Variants in PMAIP1 observed in about 807,000 individuals in gnomAD.
The protein encoded by PMAIP1 is PMA-induced protein 1.
PMAIP1 carries 3 observed loss-of-function variants against 3.7 expected under a neutral mutation model. The ratio of observed to expected loss-of-function variants is 0.82; its 90% CI spans 0.37 to 2.12. PMAIP1 has a LOEUF of 2.12. Ranked by LOEUF, PMAIP1 falls within the 30% of genes most tolerant of loss-of-function variation. The pLI, the probability that PMAIP1 is intolerant of heterozygous loss-of-function variation, is 0.06. For synonymous variants in PMAIP1, 29 were observed against 26.2 expected (o/e 1.11, Z -0.32); for missense variants, 77 against 67.1 (o/e 1.15, Z -0.52).
intron 1 of PMAIP1, chr18:59,900,502 G>A (rs956385890): frequency 1.3e-6 from 2 of 1,550,360 alleles, no homozygotes; most frequent in African/African-American, 1.4e-5. Flanking sequence ...TTTCACCAGG[G>A]GCAAAAAGCT....
chr18:59,902,009 T>C (rs1241974256), intron 1 of PMAIP1, among the ~76,000 whole-genome samples: 1 of 152,226 alleles, frequency 6.6e-6, no homozygotes, highest in Non-Finnish European at 1.5e-5. Flanking sequence ...AAAATAGAAA[T>C]GTTTAAATTA....
chr18:59,901,030 C>T (rs934376247), intron 1 of PMAIP1, among the ~76,000 whole-genome samples: 1 of 152,110 alleles, frequency 6.6e-6, no homozygotes, highest in Non-Finnish European at 1.5e-5. Flanking sequence ...GCAAATGTGA[C>T]CATGCCTAAG....
At position 59,904,193 on chromosome 18, in the gene PMAIP1, C is replaced by G; in HGVS notation, c.*1440C>G. The stretch of plus-strand genomic sequence containing the variant: ...AGTGGTAGAGAGTTTTTTTTTTCAG[C>G]CTAGAGGCAGCTATTTTACCATCTG... On this transcript the variant is annotated 3_prime_UTR_variant, in exon 2 of 2. Coordinates refer to ENST00000316660, the MANE Select transcript of PMAIP1 (RefSeq NM_021127.3). 6.6e-6 allele frequency: 1 copy of G among 151,400 alleles called. No homozygotes were observed. The highest frequency in any genetic ancestry group is 2.1e-4 in the South Asian group (1 of 4,812). The allele number at this position is 151,400 out of a possible 1,614,324, so 9.4% of individuals were successfully genotyped here. A position where few individuals can be genotyped will look rare whatever the true frequency, so the allele number is the denominator to read the frequency against.
chr18:59,902,785 T>G lies in PMAIP1; in HGVS notation c.*32T>G. On this transcript the variant is annotated 3_prime_UTR_variant, in exon 2 of 2. Coordinates refer to ENST00000316660, the MANE Select transcript of PMAIP1 (RefSeq NM_021127.3). ...CAAAAACTTGCATGAGGGGACTCCT[T>G]CAAAAGAGTTTTCTCAGGAGGTGCA... is the stretch of plus-strand genomic sequence containing the variant. 6.2e-7 allele frequency: 1 copy of G among 1,614,086 alleles called. No individual in the cohort carries two copies. Among genetic ancestry groups the G allele is most frequent in the Non-Finnish European group, 8.5e-7 (1 of 1,179,976 alleles).
intron 1 of PMAIP1, chr18:59,900,681 A>C (rs1354909904): frequency 8.1e-6 from 10 of 1,236,940 alleles, no homozygotes; most frequent in Non-Finnish European, 1.1e-5. Flanking sequence ...ACGGCCCCAC[A>C]AGGGCCCCTG....
chr18:59,902,460 G>A (rs557953183), intron 1 of PMAIP1, among the ~76,000 whole-genome samples, 187 bp from the exon 2 acceptor site: 20 of 152,216 alleles, frequency 1.3e-4, no homozygotes, highest in African/African-American at 4.8e-4. Context: ...GATTGCTTTC[G>A]GTGAGTCACA....
Position 59,902,862 on chromosome 18 carries a change from G to A in PMAIP1, c.*109G>A, listed in dbSNP as rs559709122. ...CATTGTAATTGAGAGGAATGTGAAGGTGCATTCATGGGTGCCCTTGGAAAC... is the reference window on the plus strand; with the variant it reads ...CATTGTAATTGAGAGGAATGTGAAGATGCATTCATGGGTGCCCTTGGAAAC... On this transcript the variant is annotated 3_prime_UTR_variant, in exon 2 of 2. Coordinates refer to ENST00000316660, the MANE Select transcript of PMAIP1 (RefSeq NM_021127.3). 30 of 1,562,834 alleles carry A rather than the reference G, an allele frequency of 1.9e-5. No homozygotes were observed. The highest frequency in any genetic ancestry group is 3.8e-5 in the Admixed American group (2 of 53,126).
chr18:59,902,824 T>G lies in PMAIP1; in HGVS notation c.*71T>G, dbSNP rs2055782704. 6.2e-7 allele frequency: 1 copy of G among 1,609,722 alleles called. No homozygotes were observed. Among genetic ancestry groups the G allele is most frequent in the East Asian group, 2.2e-5 (1 of 44,852 alleles). On this transcript the variant is annotated 3_prime_UTR_variant, in exon 2 of 2. Transcript: ENST00000316660. ...TCAGGAGGTGCACGTTTCATCAATT[T>G]GAAGAAAGACTGCATTGTAATTGAG...
chr18:59,903,505 A>T lies in PMAIP1; in HGVS notation c.*752A>T, dbSNP rs759277656. On this transcript the variant is annotated 3_prime_UTR_variant, in exon 2 of 2. Coordinates refer to ENST00000316660, the MANE Select transcript of PMAIP1 (RefSeq NM_021127.3). The stretch of plus-strand genomic sequence containing the variant: ...TGAACATTCAATATAATAAAAGAAC[A>T]TGGGGATTTTGTATAACCAGGGATA... 5 of 152,236 alleles carry T rather than the reference A, an allele frequency of 3.3e-5. No homozygotes were observed. Among genetic ancestry groups the T allele is most frequent in the African/African-American group, 4.8e-5 (2 of 41,456 alleles). The allele number at this position is 152,236 out of a possible 1,614,324, so 9.4% of individuals were successfully genotyped here. A position where few individuals can be genotyped will look rare whatever the true frequency, so the allele number is the denominator to read the frequency against.
chr18:59,900,014 AC>A lies in PMAIP1; in HGVS notation c.-162del. The A allele has an allele frequency of 1.6e-6, 1 of 606,472 alleles. No individual in the cohort carries two copies. Among genetic ancestry groups the A allele is most frequent in the South Asian group, 2.4e-5 (1 of 41,500 alleles). The allele number at this position is 606,472 out of a possible 1,614,324, so 37.6% of individuals were successfully genotyped here. A position where few individuals can be genotyped will look rare whatever the true frequency, so the allele number is the denominator to read the frequency against. On this transcript the variant is annotated 5_prime_UTR_variant, in exon 1 of 2. Transcript: ENST00000316660. ...GGATCTCAGAGTTTCCCGGGCACTC[AC>A]CGTGTGTAGTTGGCATCTCCGCGCG...
chr18:59,903,059 C>T lies in PMAIP1; in HGVS notation c.*306C>T. ...TTTCTTTTTTACTTAGAGAATCGTT[C>T]TAGTGTTTTTGCCGAAGATTACCGC... On this transcript the variant is annotated 3_prime_UTR_variant, in exon 2 of 2. Transcript: ENST00000316660. 1.7e-6 allele frequency: 1 copy of T among 587,426 alleles called. No homozygotes were observed. Among genetic ancestry groups the T allele is most frequent in the Non-Finnish European group, 3.0e-6 (1 of 332,380 alleles). 36.4% of individuals were successfully genotyped at this position (587,426 alleles called of 1,614,324 possible).
intron 1 of PMAIP1, among the ~76,000 whole-genome samples, chr18:59,902,361 T>C (rs2055777696): frequency 6.6e-6 from 1 of 152,252 alleles, no homozygotes; most frequent in Non-Finnish European, 1.5e-5. Flanking sequence ...TTTGTGGTAT[T>C]TGACATATTT....
intron 1 of PMAIP1, 91 bp downstream of exon 1, chr18:59,900,326 G>A (rs1029757218): frequency 6.6e-7 from 1 of 1,513,026 alleles, no homozygotes; most frequent in East Asian, 2.5e-5. Context: ...AGCTCGCCGG[G>A]GCTCAAGCAC....
rs758732393 is a variant in PMAIP1, at chr18:59,902,956, G to A, written c.*203G>A. 8.2e-5 allele frequency: 67 copies of A among 819,140 alleles called. No homozygotes were observed. The highest frequency in any genetic ancestry group is 1.3e-4 in the Non-Finnish European group (65 of 511,386). The allele number at this position is 819,140 out of a possible 1,614,324, so 50.7% of individuals were successfully genotyped here. A position where few individuals can be genotyped will look rare whatever the true frequency, so the allele number is the denominator to read the frequency against. Reference sequence around the variant, plus strand: ...CAGATTATCATTCTTTGGGATGAGAGAACATTATAAAACCACTTTGTTTAT... The same window carrying A: ...CAGATTATCATTCTTTGGGATGAGAAAACATTATAAAACCACTTTGTTTAT... On this transcript the variant is annotated 3_prime_UTR_variant, in exon 2 of 2. Coordinates refer to ENST00000316660, the MANE Select transcript of PMAIP1 (RefSeq NM_021127.3).
chr18:59,903,051 GA>G lies in PMAIP1; in HGVS notation c.*300del. ...TTGACACATTTCTTTTTTACTTAGAGAATCGTTCTAGTGTTTTTGCCGAAGA... is the reference window on the plus strand; with the variant it reads ...TTGACACATTTCTTTTTTACTTAGAGATCGTTCTAGTGTTTTTGCCGAAGA... On this transcript the variant is annotated 3_prime_UTR_variant, in exon 2 of 2. Coordinates refer to ENST00000316660, the MANE Select transcript of PMAIP1 (RefSeq NM_021127.3). 2 of 594,122 alleles carry G rather than the reference GA, an allele frequency of 3.4e-6. No individual in the cohort carries two copies. Among genetic ancestry groups the G allele is most frequent in the Non-Finnish European group, 5.9e-6 (2 of 336,260 alleles). 36.8% of individuals were successfully genotyped at this position (594,122 alleles called of 1,614,324 possible).
chr18:59,900,446 GTACGGCGA>G, intron 1 of PMAIP1: 2 of 1,543,000 alleles, frequency 1.3e-6, no homozygotes, highest in Admixed American at 2.0e-5. Flanking sequence ...GGTACGGCGG[GTACGGCGA>G]GGGACCAAGC....
At chr18:59,901,800 T>C (rs1173276702) in intron 1 of PMAIP1, among the ~76,000 whole-genome samples, 1 of 152,224 alleles carries the variant, frequency 6.6e-6, no homozygotes, top group Non-Finnish European at 1.5e-5. Context: ...ATAGTCAGTA[T>C]AGTGTTAACT....
At chr18:59,902,435 T>C (rs1490273602) in intron 1 of PMAIP1, among the ~76,000 whole-genome samples, 1 of 152,256 alleles carries the variant, frequency 6.6e-6, no homozygotes, top group African/African-American at 2.4e-5. Context: ...TAAATGTCTT[T>C]ATTCTTACCT....
intron 1 of PMAIP1, among the ~76,000 whole-genome samples, chr18:59,901,811 G>A (rs1401562788): frequency 6.6e-5 from 10 of 152,060 alleles, no homozygotes; most frequent in Non-Finnish European, 1.5e-5. Flanking sequence ...AGTGTTAACT[G>A]CACTTACTGA....
Sources: allele counts gnomAD v4.1 joint callset (sites outside exome capture counted in the v4.1 genomes callset), GRCh38; gene constraint gnomAD v4.1.1; transcripts MANE v1.5; gene names NCBI Gene and HGNC (gene_info 2026-07-23, HGNC 2026-07-21).